CDS1: variants seen among roughly 807,000 people sequenced by gnomAD.
CDS1 encodes phosphatidate cytidylyltransferase 1.
CDS1 carries 41 observed loss-of-function variants against 62.1 expected under a neutral mutation model. That is an observed-to-expected ratio of 0.66 (90% CI 0.51 to 0.86). The LOEUF is 0.86. Ranked by LOEUF, CDS1 falls within the 40% of genes least tolerant of loss-of-function variation. The pLI is 0.00. For synonymous variants in CDS1, 185 were observed against 192.6 expected, an observed-to-expected ratio of 0.96 and a Z score of 0.32; for missense variants, 470 against 550.1, an observed-to-expected ratio of 0.85 and a Z score of 1.46.
chr4:84,631,557 G>T lies in CDS1; in HGVS notation c.581-262G>T, dbSNP rs531356058. Among the ~76,000 whole-genome samples the T allele has an allele frequency of 3.7e-4, 56 of 152,240 alleles. No homozygotes were observed. In the South Asian group the frequency reaches 4.1e-3, roughly 11 times the overall value. ...TTTCCATGCCCACATATTAGCAGGG[G>T]ACTAATTAATTGAATTAATGCAGAG... On this transcript the variant is annotated intron_variant, in intron 5 of 12. Coordinates refer to ENST00000295887, the MANE Select transcript of CDS1 (RefSeq NM_001263.4).
At chr4:84,626,542 T>C (rs1049639593) in intron 5 of CDS1, among the ~76,000 whole-genome samples, 1 of 152,178 alleles carries the variant, frequency 6.6e-6, no homozygotes, top group Non-Finnish European at 1.5e-5. Flanking sequence ...TGCCTCAGAC[T>C]CCTTGGTAGC....
At chr4:84,631,629 A>G (rs1310816969) in intron 5 of CDS1, among the ~76,000 whole-genome samples, 190 bp from the exon 6 acceptor site, 1 of 152,198 alleles carries the variant, frequency 6.6e-6, no homozygotes, top group African/African-American at 2.4e-5. Context: ...CACTTTGGAG[A>G]GTACAAGATT....
chr4:84,626,132 ACT>A (rs1439380516), intron 5 of CDS1, among the ~76,000 whole-genome samples: 1 of 151,982 alleles, frequency 6.6e-6, no homozygotes, highest in Non-Finnish European at 1.5e-5. Flanking sequence ...ATGCCATTCC[ACT>A]CCAGCCTGGG....
rs372071897 is a variant in CDS1 at position 84,635,637 on chromosome 4, T to G, written c.810+286T>G. 8.0e-3 allele frequency among the ~76,000 whole-genome samples: 534 copies of G among 66,982 alleles called. 7 individuals carry two copies. The highest frequency in any genetic ancestry group is 0.026 in the African/African-American group (362 of 14,174). 43.9% of individuals were successfully genotyped at this position (66,982 alleles called of 152,430 possible). On this transcript the variant is annotated intron_variant, in intron 8 of 12. Coordinates refer to ENST00000295887, the MANE Select transcript of CDS1 (RefSeq NM_001263.4). The stretch of plus-strand genomic sequence containing the variant: ...TGCCTGCCTGCCTGCCTTCCTTCCT[T>G]CCTTCCTTCCTTCCTTCCTTCCTTC...
Position 84,583,189 on chromosome 4 carries a change from CTGCAGGCGGCCTCGAGCGCTCTCTCGT to C in CDS1, c.-210_-184del. ...GGGACCTCCGCCGGAGCCGCGCTCG[CTGCAGGCGGCCTCGAGCGCTCTCTCGT>C]TGATGCCGTTTTGGAGGTGACCGGC... On this transcript the variant is annotated 5_prime_UTR_variant, in exon 1 of 13. Transcript: ENST00000295887. 1 of 482,616 alleles carries C rather than the reference CTGCAGGCGGCCTCGAGCGCTCTCTCGT, an allele frequency of 2.1e-6. No individual in the cohort carries two copies. Among genetic ancestry groups the C allele is most frequent in the East Asian group, 3.7e-5 (1 of 26,890 alleles). The allele number at this position is 482,616 out of a possible 1,614,324, so 29.9% of individuals were successfully genotyped here.
Position 84,648,956 on chromosome 4 carries a change from TAATTTA to T in CDS1, c.*273_*278del. On this transcript the variant is annotated 3_prime_UTR_variant, in exon 13 of 13. Coordinates refer to ENST00000295887, the MANE Select transcript of CDS1 (RefSeq NM_001263.4). ...CCTTCCCCTTACTTGCTAGGTTTCA[TAATTTA>T]AAAGACTGGTATTTAAAAGAGTCAA... The T allele has an allele frequency of 3.7e-6, 1 of 267,354 alleles. No individual in the cohort carries two copies. Among genetic ancestry groups the T allele is most frequent in the Non-Finnish European group, 7.0e-6 (1 of 143,122 alleles). 16.6% of individuals were successfully genotyped at this position (267,354 alleles called of 1,614,324 possible). A position where few individuals can be genotyped will look rare whatever the true frequency, so the allele number is the denominator to read the frequency against.
intron 1 of CDS1, among the ~76,000 whole-genome samples, chr4:84,596,862 A>G (rs1287825516): frequency 6.6e-6 from 1 of 152,206 alleles, no homozygotes; most frequent in Non-Finnish European, 1.5e-5. Flanking sequence ...AGTTATAAAT[A>G]GAAGAATACC....
chr4:84,635,613 GC>G (rs766197485), intron 8 of CDS1, among the ~76,000 whole-genome samples: 2,736 of 98,238 alleles, frequency 0.028, 50 homozygotes, highest in East Asian at 0.066. Context: ...CTGCCTGCCT[GC>G]CTGCCTGCCT....
Position 84,631,169 on chromosome 4 carries a change from G to C in CDS1, c.581-650G>C, listed in dbSNP as rs78681706. Among the ~76,000 whole-genome samples, 1,433 of 152,280 alleles carry C rather than the reference G, an allele frequency of 9.4e-3. 22 individuals are homozygous for C. The highest frequency in any genetic ancestry group is 0.033 in the African/African-American group (1,351 of 41,558). On this transcript the variant is annotated intron_variant, in intron 5 of 12. Transcript: ENST00000295887. ...CTTAACCTGAATTTTGCTGATCTCA[G>C]TTCATGGAACCACGTGACTCTTAAG... is the stretch of plus-strand genomic sequence containing the variant.
intron 1 of CDS1, among the ~76,000 whole-genome samples, chr4:84,600,327 T>C (rs955745341): frequency 2.0e-5 from 3 of 152,218 alleles, no homozygotes; most frequent in Admixed American, 2.0e-4. Flanking sequence ...CTCATTCTCT[T>C]AGTATCTTTT....
intron 8 of CDS1, among the ~76,000 whole-genome samples, chr4:84,635,612 TGCCTGCCTGCCTG>T (rs1724163721): frequency 2.0e-5 from 2 of 100,648 alleles, no homozygotes; most frequent in African/African-American, 4.1e-5. Context: ...CCTGCCTGCC[TGCCTGCCTGCCTG>T]CCTTCCTTCC....
At chr4:84,626,386 A>G (rs548121587) in intron 5 of CDS1, among the ~76,000 whole-genome samples, 61 of 152,310 alleles carry the variant, frequency 4.0e-4, no homozygotes, top group African/African-American at 1.4e-3. Flanking sequence ...ATCACCAATG[A>G]TAGTATTTTG....
intron 1 of CDS1, among the ~76,000 whole-genome samples, chr4:84,590,072 A>G (rs1430810988): frequency 6.6e-6 from 1 of 152,178 alleles, no homozygotes; most frequent in Non-Finnish European, 1.5e-5. Context: ...TGGCCTCCCA[A>G]AGTGCTGGGA....
chr4:84,642,023 AC>A (rs1724399454), intron 10 of CDS1, among the ~76,000 whole-genome samples: 1 of 152,190 alleles, frequency 6.6e-6, no homozygotes, highest in Admixed American at 6.5e-5. Flanking sequence ...TGCTTTGAGA[AC>A]AGGTCAAAAA....
At chr4:84,620,261 C>T (rs1311217272) in intron 5 of CDS1, among the ~76,000 whole-genome samples, 2 of 118,768 alleles carry the variant, frequency 1.7e-5, no homozygotes, top group African/African-American at 3.3e-5. Context: ...CTCACTCTGT[C>T]GCCCAGGGTG....
At position 84,640,908 on chromosome 4, in the gene CDS1, T is replaced by A; in HGVS notation, c.950T>A (p.Phe317Tyr). 1 of 1,612,184 alleles carries A rather than the reference T, an allele frequency of 6.2e-7. No homozygotes were observed. Among genetic ancestry groups the A allele is most frequent in the South Asian group, 1.1e-5 (1 of 90,816 alleles). ...GAATACCGAAGTGATGTAAACTCCT[T>A]CGTGACAGAATGTGAGCCCTCAGAA... ...PVEYRSDVNS[F>Y]VTECEPSELF... The change falls in exon 10 of 13, where the codon TTC (phenylalanine) becomes TAC (tyrosine). Residue 317 changes from phenylalanine (F) to tyrosine (Y), a missense_variant. Around this residue, in one of 5 missense-constraint regions of CDS1, gnomAD observed 214 missense variants for 242.4 expected, o/e 0.88. Transcript: ENST00000295887.
chr4:84,599,187 T>C (rs1665495495), intron 1 of CDS1, among the ~76,000 whole-genome samples: 2 of 152,036 alleles, frequency 1.3e-5, no homozygotes, highest in Admixed American at 1.3e-4. Flanking sequence ...TGTCCTCCCG[T>C]GGTGGAGAGA....
intron 5 of CDS1, among the ~76,000 whole-genome samples, chr4:84,623,285 A>T (rs974659605): frequency 1.2e-4 from 19 of 152,200 alleles, no homozygotes; most frequent in African/African-American, 4.6e-4. Context: ...AATGATGTGT[A>T]GAAGGTAGTT....
intron 12 of CDS1, among the ~76,000 whole-genome samples, chr4:84,647,107 T>A (rs1724579668): frequency 6.6e-6 from 1 of 152,174 alleles, no homozygotes; most frequent in Non-Finnish European, 1.5e-5. Context: ...TGCATGTTAT[T>A]TCTTTGTCTC....
Sources: allele counts gnomAD v4.1 joint callset (sites outside exome capture counted in the v4.1 genomes callset), GRCh38; gene constraint gnomAD v4.1.1; regional missense constraint gnomAD v4.1.1; transcripts MANE v1.5; gene names NCBI Gene and HGNC (gene_info 2026-07-23, HGNC 2026-07-21).